The following MYO19 variants were observed in gnomAD, a reference collection of about 807,000 sequenced individuals.
MYO19 encodes the protein myosin XIX.
In MYO19, 132 loss-of-function variants were observed where a neutral mutation model predicts 129.2. That is an observed-to-expected ratio of 1.02 (90% confidence interval 0.89 to 1.18). The LOEUF is 1.18. Among genes scored for constraint, MYO19 ranks in the 50% most tolerant of loss-of-function variants. The pLI is 0.00. For synonymous variants in MYO19, 531 were observed against 477.2 expected (o/e 1.11, Z -1.47); for missense variants, 1,210 against 1,216.7 (o/e 0.99, Z 0.08).
Position 36,507,039 on chromosome 17 carries a change from C to T in MYO19, c.1568G>A (p.Arg523Gln), listed in dbSNP as rs746120138. The change falls in exon 17 of 26, where the codon CGG becomes CAG. Residue 523 changes from arginine (R) to glutamine (Q), a missense_variant. Coordinates refer to ENST00000614623, the MANE Select transcript of MYO19 (RefSeq NM_001163735.2). ...SPCLGHNKLSREPSFIVVHYA... is the reference protein window; with the variant it reads ...SPCLGHNKLSQEPSFIVVHYA... ...ATGCACCACAATGAAGCTGGGCTCC[C>T]GGCTGAGCTTATTGTGGCCCAGGCA... 2.2e-5 allele frequency: 36 copies of T among 1,613,568 alleles called. No homozygotes were observed. Among genetic ancestry groups the T allele is most frequent in the South Asian group, 2.1e-4 (19 of 91,088 alleles).
At chr17:36,540,857 C>T (rs2074193805) in intron 2 of MYO19, among the ~76,000 whole-genome samples, 2 of 152,224 alleles carry the variant, frequency 1.3e-5, no homozygotes, top group African/African-American at 2.4e-5. Context: ...TTCTAATCAA[C>T]TATCATTTTC....
intron 23 of MYO19, 108 bp from the exon 24 acceptor site, chr17:36,499,268 T>A: frequency 1.4e-6 from 1 of 695,770 alleles, no homozygotes; most frequent in Non-Finnish European, 2.3e-6. Context: ...TCAAATACGT[T>A]TTTTTTTTTT....
At chr17:36,510,683 A>C in intron 13 of MYO19, 63 bp downstream of exon 13, 1 of 1,508,490 alleles carries the variant, frequency 6.6e-7, no homozygotes, top group East Asian at 2.5e-5. Flanking sequence ...GTCTGGCCCA[A>C]CCCCGGACAG....
rs776060536 is a variant in MYO19 at position 36,496,255 on chromosome 17, C to T, written c.2909G>A (p.Gly970Glu). 21 of 1,613,798 alleles carry T rather than the reference C, an allele frequency of 1.3e-5. No homozygotes were observed. The highest frequency in any genetic ancestry group is 1.7e-5 in the Admixed American group (1 of 59,998). The change falls in exon 26 of 26, where the codon GGG becomes GAG. Residue 970 changes from glycine (G) to glutamate (E), a missense_variant. Physicochemically the swap from Gly to Glu is moderately conservative, Grantham distance 98. Coordinates refer to ENST00000614623, the MANE Select transcript of MYO19 (RefSeq NM_001163735.2). ...HVTSSAFTGL[G>E] The stretch of plus-strand genomic sequence containing the variant: ...TGGAAACAAAGGCACCAAGGATCAC[C>T]CCAGCCCAGTGAAGGCAGAAGAGGT...
chr17:36,506,469 A>G lies in MYO19; in HGVS notation c.1784T>C (p.Val595Ala). The change falls in exon 18 of 26, where the codon GTG (valine) becomes GCG (alanine). Residue 595 changes from valine (V) to alanine (A), a missense_variant. Val to Ala is a moderately conservative substitution (Grantham distance 64). Transcript: ENST00000614623. ...GQSRAPVLTVVSKFKASLEQL... is the reference protein window; with the variant it reads ...GQSRAPVLTVASKFKASLEQL... The stretch of plus-strand genomic sequence containing the variant: ...CATCAGACCCACCTTGAACTTGGAC[A>G]CCACGGTCAACACAGGGGCCCTGCT... 1 of 1,613,826 alleles carries G rather than the reference A, an allele frequency of 6.2e-7. No homozygotes were observed. The highest frequency in any genetic ancestry group is 8.5e-7 in the Non-Finnish European group (1 of 1,179,820).
intron 3 of MYO19, among the ~76,000 whole-genome samples, chr17:36,531,659 A>G (rs1352224035): frequency 6.6e-6 from 1 of 152,098 alleles, no homozygotes; most frequent in Non-Finnish European, 1.5e-5. Flanking sequence ...TGTTTTGCCC[A>G]CTTCTTACCT....
intron 2 of MYO19, chr17:36,533,624 T>C (rs1156828308): frequency 1.3e-5 from 2 of 152,106 alleles, no homozygotes; most frequent in Non-Finnish European, 2.9e-5. Context: ...AAAAGGACAA[T>C]TGAGGCGGAA....
rs1225415481 is a variant in MYO19 at position 36,513,639 on chromosome 17, C to T, written c.807G>A (p.Arg269=). ...AAFSWLPNPE[R]SLEEDCFEVT... is the part of the protein sequence containing the mutation. Reference sequence around the variant, plus strand: ...TGGGGCTCCCCTTACCTTCTAAGCTCCTCTCTGGGTTGGGCAGCCAGGAGA... The same window carrying T: ...TGGGGCTCCCCTTACCTTCTAAGCTTCTCTCTGGGTTGGGCAGCCAGGAGA... Residue 269 remains arginine (R), a synonymous_variant, in exon 10 of 26, where the codon AGG becomes AGA. Transcript: ENST00000614623. The T allele has an allele frequency of 1.5e-5, 24 of 1,613,900 alleles. No individual in the cohort carries two copies. The highest frequency in any genetic ancestry group is 1.9e-5 in the Non-Finnish European group (23 of 1,179,906).
At position 36,495,828 on chromosome 17, in the gene MYO19, G is replaced by A; in HGVS notation, c.*423C>T. 8.1e-7 allele frequency: 1 copy of A among 1,241,398 alleles called. No individual in the cohort carries two copies. Among genetic ancestry groups the A allele is most frequent in the Non-Finnish European group, 1.0e-6 (1 of 993,622 alleles). The allele number at this position is 1,241,398 out of a possible 1,614,324, so 76.9% of individuals were successfully genotyped here. On this transcript the variant is annotated 3_prime_UTR_variant, in exon 26 of 26. Coordinates refer to ENST00000614623, the MANE Select transcript of MYO19 (RefSeq NM_001163735.2). ...TCAACTAATTAAATACTAAAGTTTTGTTCCTTTTTAAAGGAAATAACCACA... is the reference window on the plus strand; with the variant it reads ...TCAACTAATTAAATACTAAAGTTTTATTCCTTTTTAAAGGAAATAACCACA...
intron 6 of MYO19, among the ~76,000 whole-genome samples, chr17:36,523,971 G>A (rs1360739672): frequency 6.6e-6 from 1 of 152,174 alleles, no homozygotes; most frequent in Admixed American, 6.5e-5. Flanking sequence ...TTTGAACTAT[G>A]TAACTACATT....
At position 36,503,942 on chromosome 17, in the gene MYO19, C is replaced by A. The variant is rs753630561; in HGVS notation, c.1976+8G>T. The A allele has an allele frequency of 6.3e-7, 1 of 1,586,236 alleles. No homozygotes were observed. Among genetic ancestry groups the A allele is most frequent in the Non-Finnish European group, 8.6e-7 (1 of 1,167,426 alleles). On this transcript the variant is annotated splice_region_variant and intron_variant, in intron 20 of 25. Coordinates refer to ENST00000614623, the MANE Select transcript of MYO19 (RefSeq NM_001163735.2). ...GCCCTGCACTGTGCCGTGATCGAGC[C>A]CACTCACCGGATGGGGAAGCCAGCA...
At chr17:36,538,302 C>G, upstream of MYO19, 1 of 1,613,368 alleles carries the variant, frequency 6.2e-7, no homozygotes, top group Admixed American at 1.7e-5. Context: ...TGCCAAATTT[C>G]TAATTAAAGG....
rs1475438619 is a variant in MYO19 at position 36,495,942 on chromosome 17, C to T, written c.*309G>A. On this transcript the variant is annotated 3_prime_UTR_variant, in exon 26 of 26. Coordinates refer to ENST00000614623, the MANE Select transcript of MYO19 (RefSeq NM_001163735.2). ...AGTGCTTATGTGGAATTGGGATCCC[C>T]AGTGTAGTGACAGACAGTCATGACT... is the stretch of plus-strand genomic sequence containing the variant. The T allele has an allele frequency of 9.8e-7, 1 of 1,015,960 alleles. No homozygotes were observed. Among genetic ancestry groups the T allele is most frequent in the Non-Finnish European group, 1.3e-6 (1 of 786,584 alleles). The allele number at this position is 1,015,960 out of a possible 1,614,324, so 62.9% of individuals were successfully genotyped here.
chr17:36,513,683 G>A lies in MYO19; in HGVS notation c.763C>T (p.Leu255Phe), dbSNP rs1016011123. 7 of 1,613,944 alleles carry A rather than the reference G, an allele frequency of 4.3e-6. No individual in the cohort carries two copies. The highest frequency in any genetic ancestry group is 1.1e-5 in the South Asian group (1 of 91,064). The change falls in exon 10 of 26, where the codon CTT becomes TTT. Residue 255 changes from leucine to phenylalanine, a missense_variant. Coordinates refer to ENST00000614623, the MANE Select transcript of MYO19 (RefSeq NM_001163735.2). ...ASEDERLQWH[L>F]PEGAAFSWLP... ...CAGGAGAAGGCAGCTCCCTCAGGAA[G>A]GTGCCACTGGAGCCTCTCGTCCTCA...
rs1261907225 is a variant in MYO19, at chr17:36,515,963, A to C, written c.442T>G (p.Phe148Val). ...KTWTSRCLMK[F>V]YAVVATSPAS... ...GGTGAGGTGGCCACCACAGCATAGA[A>C]CTTCATTAGGCAGCGAGACGTCCAT... The change falls in exon 7 of 26, where the codon TTC (phenylalanine) becomes GTC (valine). Residue 148 changes from phenylalanine (F) to valine (V), a missense_variant. Transcript: ENST00000614623. The C allele has an allele frequency of 1.2e-6, 2 of 1,613,052 alleles. No individual in the cohort carries two copies. The highest frequency in any genetic ancestry group is 2.7e-5 in the African/African-American group (2 of 74,910).
At chr17:36,538,524 T>A, upstream of MYO19, 2 of 1,613,884 alleles carry the variant, frequency 1.2e-6, no homozygotes, top group South Asian at 1.1e-5. Flanking sequence ...CAGTACCTTG[T>A]GGGCCTTATT....
upstream of MYO19, chr17:36,539,249 A>G (rs973784158): frequency 6.0e-6 from 1 of 167,024 alleles, no homozygotes; most frequent in Non-Finnish European, 1.5e-5. Flanking sequence ...TTTACTGTAT[A>G]TTGCTTTTAC....
upstream of MYO19, chr17:36,538,073 A>G: frequency 6.8e-6 from 11 of 1,614,212 alleles, no homozygotes; most frequent in Non-Finnish European, 9.3e-6. Flanking sequence ...AAACAGGGTT[A>G]TATATGCATA....
chr17:36,537,848 ACCACTGCTGTTGATTATTTTTC>A, upstream of MYO19: 2 of 1,614,092 alleles, frequency 1.2e-6, no homozygotes, highest in African/African-American at 2.7e-5. Flanking sequence ...AATTGATAAC[ACCACTGCTGTTGATTATTTTTC>A]CCCTAAATAA....
Sources: allele counts gnomAD v4.1 joint callset (sites outside exome capture counted in the v4.1 genomes callset), GRCh38; gene constraint gnomAD v4.1.1; transcripts MANE v1.5; gene names NCBI Gene and HGNC (gene_info 2026-07-23, HGNC 2026-07-21).